Variants in N4BP2 observed in about 807,000 individuals in gnomAD.
N4BP2 encodes NEDD4 binding protein 2.
In N4BP2, 91 loss-of-function variants were observed where a neutral mutation model predicts 152.8. That is an observed-to-expected ratio of 0.60 (90% CI 0.50 to 0.71). N4BP2 has a LOEUF of 0.71. Among genes scored for constraint, N4BP2 ranks in the 30% least tolerant of loss-of-function variants. The probability of loss-of-function intolerance (pLI) is 0.00; values close to 1 mark genes in which losing one functional copy is unlikely to be tolerated. For synonymous variants in N4BP2, 646 were observed against 705.3 expected, an observed-to-expected ratio of 0.92 and a Z score of 1.33; for missense variants, 1,923 against 2,059.1, an observed-to-expected ratio of 0.93 and a Z score of 1.28.
chr4:40,115,355 G>A (rs1229326421), intron 7 of N4BP2, among the ~76,000 whole-genome samples: 1 of 152,052 alleles, frequency 6.6e-6, no homozygotes, highest in East Asian at 1.9e-4. Flanking sequence ...AAATTAGCTG[G>A]GTATGGTGGC....
the N4BP2 span, among the ~76,000 whole-genome samples, chr4:40,190,444 T>G: frequency 6.6e-6 from 1 of 152,236 alleles, no homozygotes; most frequent in East Asian, 1.9e-4. Context: ...TTTAACTCAT[T>G]GTGACAATAA....
At chr4:40,161,741 G>A (rs2109305199), downstream of N4BP2, among the ~76,000 whole-genome samples, 1 of 152,310 alleles carries the variant, frequency 6.6e-6, no homozygotes, top group Middle Eastern at 3.4e-3. Context: ...AAAGATAGAT[G>A]TTTATTATAC....
intron 4 of N4BP2, among the ~76,000 whole-genome samples, chr4:40,106,203 C>T (rs1385805185): frequency 6.6e-6 from 1 of 152,140 alleles, no homozygotes; most frequent in African/African-American, 2.4e-5. Flanking sequence ...TATTAATTTA[C>T]ATAAAGCAAA....
chr4:40,071,287 C>A (rs904070162), intron 1 of N4BP2, among the ~76,000 whole-genome samples: 3 of 152,052 alleles, frequency 2.0e-5, no homozygotes, highest in Non-Finnish European at 4.4e-5. Context: ...CTTCCTCTAT[C>A]CCCTATATTT....
At chr4:40,164,264 G>A in the N4BP2 span, among the ~76,000 whole-genome samples, 1 of 152,108 alleles carries the variant, frequency 6.6e-6, no homozygotes. Flanking sequence ...GAGGGGGAGG[G>A]AAAGTGGAAG....
chr4:40,144,583 C>T, intron 15 of N4BP2, 49 bp from the exon 16 acceptor site: 4 of 1,468,400 alleles, frequency 2.7e-6, no homozygotes, highest in Non-Finnish European at 3.7e-6. Context: ...CCTCATCACC[C>T]AAGTAGCAAA....
intron 16 of N4BP2, among the ~76,000 whole-genome samples, chr4:40,146,236 T>C (rs1720508025): frequency 6.6e-6 from 1 of 152,106 alleles, no homozygotes; most frequent in Non-Finnish European, 1.5e-5. Flanking sequence ...GGATAAATTC[T>C]AAAATCCCTA....
chr4:40,118,435 AAAAT>A (rs148716615), intron 8 of N4BP2, among the ~76,000 whole-genome samples: 10,510 of 152,110 alleles, frequency 0.069, 406 homozygotes, highest in Non-Finnish European at 0.085. Flanking sequence ...TCCATTTCAA[AAAAT>A]AAATAAATAA....
chr4:40,093,556 G>T, intron 2 of N4BP2, among the ~76,000 whole-genome samples: 1 of 151,754 alleles, frequency 6.6e-6, no homozygotes, highest in Non-Finnish European at 1.5e-5. Context: ...ATAGGTGTGT[G>T]CCACCTTGCG....
intron 1 of N4BP2, among the ~76,000 whole-genome samples, chr4:40,060,838 C>G (rs1733600840): frequency 1.3e-5 from 2 of 152,096 alleles, no homozygotes; most frequent in Admixed American, 1.3e-4. Flanking sequence ...CTTGTGGGCT[C>G]AAGCAGTCTT....
intron 4 of N4BP2, among the ~76,000 whole-genome samples, chr4:40,106,694 G>A (rs545844341): frequency 4.6e-5 from 7 of 152,148 alleles, no homozygotes; most frequent in South Asian, 2.1e-4. Context: ...GACTATAGGC[G>A]CATGCCACCG....
Position 40,158,093 on chromosome 4 carries a change from A to G in N4BP2, c.*3856A>G, listed in dbSNP as rs1721741222. ...ATATATTATAAAATTTTCAGACAGT[A>G]TATCAGAAAAATGTTTTTATTTGTA... is the stretch of plus-strand genomic sequence containing the variant. On this transcript the variant is annotated 3_prime_UTR_variant, in exon 18 of 18. Coordinates refer to ENST00000261435, the MANE Select transcript of N4BP2 (RefSeq NM_018177.6). The G allele has an allele frequency of 6.6e-6, 1 of 152,212 alleles. No homozygotes were observed. Among genetic ancestry groups the G allele is most frequent in the Admixed American group, 6.5e-5 (1 of 15,282 alleles). The allele number at this position is 152,212 out of a possible 1,614,324, so 9.4% of individuals were successfully genotyped here. A position where few individuals can be genotyped will look rare whatever the true frequency, so the allele number is the denominator to read the frequency against.
Position 40,157,268 on chromosome 4 carries a change from C to T in N4BP2, c.*3031C>T, listed in dbSNP as rs1360949700. 1 of 150,906 alleles carries T rather than the reference C, an allele frequency of 6.6e-6. No homozygotes were observed. Among genetic ancestry groups the T allele is most frequent in the Non-Finnish European group, 1.5e-5 (1 of 67,704 alleles). The allele number at this position is 150,906 out of a possible 1,614,324, so 9.3% of individuals were successfully genotyped here. A position where few individuals can be genotyped will look rare whatever the true frequency, so the allele number is the denominator to read the frequency against. Reference sequence around the variant, plus strand: ...CTACATTATTTTTAATGTGCAGTTTCTTCAATTGGTTAGTATTTCCATACT... The same window carrying T: ...CTACATTATTTTTAATGTGCAGTTTTTTCAATTGGTTAGTATTTCCATACT... On this transcript the variant is annotated 3_prime_UTR_variant, in exon 18 of 18. Coordinates refer to ENST00000261435, the MANE Select transcript of N4BP2 (RefSeq NM_018177.6).
intron 14 of N4BP2, among the ~76,000 whole-genome samples, chr4:40,139,760 G>T (rs1399636047): frequency 6.7e-6 from 1 of 150,218 alleles, no homozygotes; most frequent in African/African-American, 2.4e-5. Context: ...CAAAGTGCTG[G>T]GATTACAGGC....
the N4BP2 span, among the ~76,000 whole-genome samples, chr4:40,178,099 G>T: frequency 6.6e-6 from 1 of 152,146 alleles, no homozygotes; most frequent in South Asian, 2.1e-4. Context: ...GGCGGAGGTT[G>T]CAGTGAGCCG....
chr4:40,119,808 AATTT>A (rs1717683830), intron 8 of N4BP2, 120 bp from the exon 9 acceptor site: 2 of 494,276 alleles, frequency 4.0e-6, no homozygotes, highest in Non-Finnish European at 3.6e-6. Flanking sequence ...ATTTTAATGT[AATTT>A]ATTTATAAAA....
chr4:40,161,943 A>C (rs570293495), downstream of N4BP2, among the ~76,000 whole-genome samples: 21 of 152,330 alleles, frequency 1.4e-4, no homozygotes, highest in East Asian at 3.1e-3. Context: ...CCCCCATGGC[A>C]CTGTTGCCAC....
chr4:40,075,505 C>T (rs1355644052), intron 2 of N4BP2, among the ~76,000 whole-genome samples: 1 of 152,082 alleles, frequency 6.6e-6, no homozygotes, highest in Non-Finnish European at 1.5e-5. Flanking sequence ...TAAAGTGATT[C>T]TTCTGCCTCA....
Position 40,144,409 on chromosome 4 carries a change from T to G in N4BP2, c.4975-223T>G, listed in dbSNP as rs191162571. ...CTTTTACGACTTTTGGTTCAGAAAA[T>G]GTTAGAAAGAATGACTCAGTAGTTT... On this transcript the variant is annotated intron_variant, in intron 15 of 17. Transcript: ENST00000261435. Among the ~76,000 whole-genome samples the G allele has an allele frequency of 7.2e-5, 11 of 152,280 alleles. No homozygotes were observed. The East Asian group carries it at 1.9e-3, about 27-fold the overall frequency.
Sources: allele counts gnomAD v4.1 joint callset (sites outside exome capture counted in the v4.1 genomes callset), GRCh38; gene constraint gnomAD v4.1.1; transcripts MANE v1.5; gene names NCBI Gene and HGNC (gene_info 2026-07-23, HGNC 2026-07-21).